Variants in SLC5A6 observed in about 807,000 individuals in gnomAD.
The protein encoded by SLC5A6 is sodium-dependent multivitamin transporter.
In SLC5A6, 31 loss-of-function variants were observed where a neutral mutation model predicts 67.9. The ratio of observed to expected loss-of-function variants is 0.46; its 90% CI spans 0.34 to 0.62. The LOEUF (loss-of-function observed/expected upper bound fraction) is 0.62, where lower values mean the gene tolerates loss of function less well. Among genes scored for constraint, SLC5A6 ranks in the 20% least tolerant of loss-of-function variants. SLC5A6 has a pLI of 0.01. For missense variants in SLC5A6, 673 were observed against 812.8 expected (o/e 0.83, Z 2.09); for synonymous variants, 343 against 331.0 (o/e 1.04, Z -0.39).
chr2:27,202,830 T>A lies in SLC5A6; in HGVS notation c.1258A>T (p.Met420Leu), dbSNP rs1192404056. The A allele has an allele frequency of 6.2e-7, 1 of 1,613,932 alleles. No individual in the cohort carries two copies. Among genetic ancestry groups the A allele is most frequent in the Non-Finnish European group, 8.5e-7 (1 of 1,179,910 alleles). The change falls in exon 12 of 17, where the codon ATG (methionine) becomes TTG (leucine). Residue 420 changes from methionine (M) to leucine (L), a missense_variant. Transcript: ENST00000310574. ...GTTATTACCTGCAGCACAGGTCCCA[T>A]CTGGGAGGAAATATAGGCCATTCCT... is the stretch of plus-strand genomic sequence containing the variant. ...CLGMAYISSQ[M>L]GPVLQAAISI... is the part of the protein sequence containing the mutation.
chr2:27,205,079 G>A (rs559229866), intron 7 of SLC5A6, 148 bp from the exon 8 acceptor site: 210 of 899,368 alleles, frequency 2.3e-4, no homozygotes, highest in Middle Eastern at 1.1e-3. Context: ...GGGTGCACTC[G>A]AGAGACAGCA....
intron 9 of SLC5A6, 98 bp downstream of exon 9, chr2:27,204,363 A>T: frequency 3.8e-5 from 51 of 1,329,422 alleles, no homozygotes; most frequent in Non-Finnish European, 4.5e-5. Flanking sequence ...TCTCCCACCC[A>T]GGGTGGGAGT....
Position 27,204,587 on chromosome 2 carries a change from G to C in SLC5A6, c.879C>G (p.Ser293=), listed in dbSNP as rs1673908720. 5 of 1,613,994 alleles carry C rather than the reference G, an allele frequency of 3.1e-6. No individual in the cohort carries two copies. The East Asian group carries it at 1.1e-4, about 36-fold the overall frequency. ...GCTGGAAGGGGAACACTGCATAACA[G>C]GAGCTGCAAAAGAGGTCAGTGCCAG... ...SSRTEKAAVL[S]CYAVFPFQQV... is the part of the protein sequence containing the mutation. Residue 293 remains serine (S), a synonymous_variant, in exon 9 of 17, where the codon TCC becomes TCG. Coordinates refer to ENST00000310574, the MANE Select transcript of SLC5A6 (RefSeq NM_021095.4).
chr2:27,201,691 G>A lies in SLC5A6; in HGVS notation c.1519C>T (p.Leu507=). The part of the protein sequence containing the change: ...TNLTVATVTT[L]MPLTTFSKPT... ...TTGGAGAAGGTAGTCAAGGGCATCA[G>A]TGTGGTCACAGTGGCAACGGTTAGA... is the stretch of plus-strand genomic sequence containing the variant. Residue 507 remains leucine (L), a synonymous_variant, in exon 14 of 17, where the codon CTG becomes TTG. Coordinates refer to ENST00000310574, the MANE Select transcript of SLC5A6 (RefSeq NM_021095.4). The A allele has an allele frequency of 6.2e-7, 1 of 1,614,170 alleles. No homozygotes were observed. The highest frequency in any genetic ancestry group is 8.5e-7 in the Non-Finnish European group (1 of 1,179,980).
Position 27,200,563 on chromosome 2 carries a change from C to A in SLC5A6, c.1781G>T (p.Gly594Val). ...ATTCCTCGGCTTCTCAGGAAACAGGCCAGTGTCGAGGTGGTCCTGCAAACA... is the reference window on the plus strand; with the variant it reads ...ATTCCTCGGCTTCTCAGGAAACAGGACAGTGTCGAGGTGGTCCTGCAAACA... ...RSYGQDHLDT[G>V]LFPEKPRNGV... The change falls in exon 17 of 17, where the codon GGC (glycine) becomes GTC (valine). Residue 594 changes from glycine to valine, a missense_variant. Physicochemically the swap from Gly to Val is moderately radical, Grantham distance 109. Transcript: ENST00000310574. 6.2e-7 allele frequency: 1 copy of A among 1,613,070 alleles called. No homozygotes were observed. The highest frequency in any genetic ancestry group is 8.5e-7 in the Non-Finnish European group (1 of 1,179,396).
rs553930469 is a variant in SLC5A6 at position 27,201,796 on chromosome 2, T to G, written c.1414A>C (p.Ile472Leu). ...AGLVMAFWIGIGSIVTSMGSS... is the reference protein window; with the variant it reads ...AGLVMAFWIGLGSIVTSMGSS... ...CCCATGCTGGTCACGATGCTCCCGA[T>G]GCCAATCCAGAAGGCCATGACGAGC... The change falls in exon 14 of 17, where the codon ATC becomes CTC. Residue 472 changes from isoleucine (I) to leucine (L), a missense_variant. Ile to Leu is a conservative substitution (Grantham distance 5). Transcript: ENST00000310574. 30 of 1,614,092 alleles carry G rather than the reference T, an allele frequency of 1.9e-5. 1 individual carries two copies. In the Middle Eastern group the frequency reaches 4.9e-4, roughly 27 times the overall value.
intron 1 of SLC5A6, 123 bp from the exon 2 acceptor site, chr2:27,211,656 A>G: frequency 6.4e-6 from 1 of 155,670 alleles, no homozygotes; most frequent in Non-Finnish European, 1.4e-5. Flanking sequence ...GGGGCGATCC[A>G]GGCTCGTGTC....
intron 16 of SLC5A6, 98 bp downstream of exon 16, chr2:27,200,900 C>T (rs1280162629): frequency 5.1e-6 from 4 of 781,552 alleles, no homozygotes; most frequent in South Asian, 1.7e-5. Flanking sequence ...GAGAGGCACC[C>T]GGGGCAGGGG....
chr2:27,208,921 T>G (rs538400228), intron 2 of SLC5A6, among the ~76,000 whole-genome samples: 1 of 151,750 alleles, frequency 6.6e-6, no homozygotes, highest in African/African-American at 2.4e-5. Context: ...CGGGAGGGAG[T>G]TGGAAAGAAG....
intron 5 of SLC5A6, 68 bp from the exon 6 acceptor site, chr2:27,206,161 C>T (rs1313878989): frequency 3.1e-6 from 4 of 1,285,646 alleles, no homozygotes; most frequent in African/African-American, 1.5e-5. Flanking sequence ...CCTGGTAGGG[C>T]AATCACGTCA....
chr2:27,207,699 G>C lies in SLC5A6; in HGVS notation c.-49C>G, dbSNP rs1475726857. Reference sequence around the variant, plus strand: ...CAGCCAGTTGCTGCTCCAGGGCTCTGGGGTAGGGCAGGGGCGGATGTGTGG... The same window carrying C: ...CAGCCAGTTGCTGCTCCAGGGCTCTCGGGTAGGGCAGGGGCGGATGTGTGG... On this transcript the variant is annotated 5_prime_UTR_variant, in exon 3 of 17. Coordinates refer to ENST00000310574, the MANE Select transcript of SLC5A6 (RefSeq NM_021095.4). The surrounding 1 kb of genome is among the most constrained non-coding windows in gnomAD (Gnocchi z 5.5). 1 of 1,565,676 alleles carries C rather than the reference G, an allele frequency of 6.4e-7. No homozygotes were observed. Among genetic ancestry groups the C allele is most frequent in the Non-Finnish European group, 8.7e-7 (1 of 1,149,538 alleles).
At position 27,207,678 on chromosome 2, in the gene SLC5A6, C is replaced by T; in HGVS notation, c.-28G>A. On this transcript the variant is annotated 5_prime_UTR_variant, in exon 3 of 17. Transcript: ENST00000310574. The surrounding 1 kb of genome is among the most constrained non-coding windows in gnomAD (Gnocchi z 5.5). ...CCTCACTGTGTCTGTGATCTGCAGC[C>T]AGTTGCTGCTCCAGGGCTCTGGGGT... 2 of 1,589,146 alleles carry T rather than the reference C, an allele frequency of 1.3e-6. No individual in the cohort carries two copies. Among genetic ancestry groups the T allele is most frequent in the Non-Finnish European group, 1.7e-6 (2 of 1,164,282 alleles).
Position 27,204,349 on chromosome 2 carries a change from A to G in SLC5A6, c.1005+112T>C, listed in dbSNP as rs1477906745. ...TCTCAGAGTGGGAAAGGATTTTACA[A>G]CCGTCTCCCACCCAGGGTGGGAGTC... On this transcript the variant is annotated intron_variant, in intron 9 of 16. Transcript: ENST00000310574. 5 of 1,249,312 alleles carry G rather than the reference A, an allele frequency of 4.0e-6. No individual in the cohort carries two copies. The East Asian group carries it at 9.5e-5, about 24-fold the overall frequency. The allele number at this position is 1,249,312 out of a possible 1,614,324, so 77.4% of individuals were successfully genotyped here.
intron 7 of SLC5A6, 107 bp from the exon 8 acceptor site, chr2:27,205,038 G>C (rs1032609555): frequency 7.7e-7 from 1 of 1,303,706 alleles, no homozygotes; most frequent in Non-Finnish European, 1.1e-6. Context: ...ACCACTGCTA[G>C]GGCCAAGGGG....
At position 27,201,423 on chromosome 2, in the gene SLC5A6, C is replaced by T; in HGVS notation, c.1575G>A (p.Leu525=). 1 of 1,613,552 alleles carries T rather than the reference C, an allele frequency of 6.2e-7. No homozygotes were observed. Among genetic ancestry groups the T allele is most frequent in the Non-Finnish European group, 8.5e-7 (1 of 1,179,500 alleles). The change falls in exon 15 of 17, where the codon TTG becomes TTA. Residue 525 remains leucine, a synonymous_variant. Transcript: ENST00000310574. ...KPTGLQRFYS[L]SYLWYSAHNS... ...TGTGAGCACTGTACCATAAGTAAGA[C>T]AAGGAATAGAACCGCTGCAGCCCTG...
rs768799117 is a variant in SLC5A6, at chr2:27,207,375, G to A, written c.276C>T (p.Ile92=). The A allele has an allele frequency of 4.3e-6, 7 of 1,614,232 alleles. No homozygotes were observed. The highest frequency in any genetic ancestry group is 1.7e-6 in the Non-Finnish European group (2 of 1,180,046). The change falls in exon 3 of 17, where the codon ATC becomes ATT. Residue 92 remains isoleucine (I), a synonymous_variant. Transcript: ENST00000310574. The surrounding 1 kb of genome is among the most constrained non-coding windows in gnomAD (Gnocchi z 5.5). ...AVAILGVPSE[I]YRFGTQYWFL... Reference sequence around the variant, plus strand: ...ACCAATATTGGGTCCCAAATCGGTAGATCTCTGACGGCACACCCAGGATGG... The same window carrying A: ...ACCAATATTGGGTCCCAAATCGGTAAATCTCTGACGGCACACCCAGGATGG...
chr2:27,210,719 C>T (rs558967113), intron 2 of SLC5A6, among the ~76,000 whole-genome samples: 2 of 151,740 alleles, frequency 1.3e-5, no homozygotes, highest in Non-Finnish European at 2.9e-5. Context: ...CTGGCCACCG[C>T]GCCAGGCCAA....
intron 7 of SLC5A6, 144 bp from the exon 8 acceptor site, chr2:27,205,075 A>C: frequency 1.1e-6 from 1 of 925,084 alleles, no homozygotes; most frequent in South Asian, 1.6e-5. Flanking sequence ...AGCTGGGTGC[A>C]CTCGAGAGAC....
intron 9 of SLC5A6, among the ~76,000 whole-genome samples, chr2:27,204,085 C>T (rs1004620361): frequency 2.0e-5 from 3 of 152,170 alleles, no homozygotes; most frequent in Non-Finnish European, 4.4e-5. Context: ...AATTCGCCCG[C>T]AGCTCTGTTT....
Sources: gnomAD v4.1 joint callset for allele counts (sites outside exome capture counted in the v4.1 genomes callset) on GRCh38, gnomAD v4.1.1 for gene constraint, Gnocchi (gnomAD v3.1) non-coding constraint, MANE v1.5 for transcripts, NCBI Gene and HGNC (gene_info 2026-07-23, HGNC 2026-07-21) for gene names.